ANXA2: variants seen among roughly 807,000 people sequenced by gnomAD.
ANXA2 encodes annexin A2, also known as annexin II.
A neutral mutation model predicts 47.3 loss-of-function variants in ANXA2; 28 were observed. The ratio of observed to expected loss-of-function variants is 0.59; its 90% CI spans 0.44 to 0.81. ANXA2 has a LOEUF of 0.81. Among genes scored for constraint, ANXA2 ranks in the 40% least tolerant of loss-of-function variants. The probability of loss-of-function intolerance (pLI) is 0.00; values close to 1 mark genes in which losing one functional copy is unlikely to be tolerated. For missense variants in ANXA2, 384 were observed against 414.3 expected (o/e 0.93, Z 0.64); for synonymous variants, 172 against 155.5 (o/e 1.11, Z -0.79).
intron 1 of ANXA2, chr15:60,393,038 C>T (rs1028863958): frequency 1.6e-6 from 2 of 1,286,258 alleles, no homozygotes; most frequent in African/African-American, 1.5e-5. Flanking sequence ...TTATCAGAAC[C>T]TTTTTGAAAG....
At chr15:60,390,146 G>T (rs2140933708) in intron 1 of ANXA2, 1 of 351,918 alleles carries the variant, frequency 2.8e-6, no homozygotes, top group Non-Finnish European at 4.1e-6. Flanking sequence ...TTTATACTAT[G>T]TATAACCATT....
intron 2 of ANXA2, among the ~76,000 whole-genome samples, chr15:60,385,109 A>C (rs902808579): frequency 6.6e-6 from 1 of 152,276 alleles, no homozygotes; most frequent in Non-Finnish European, 1.5e-5. Context: ...CTAGGTTCAC[A>C]TATTTCCTAT....
chr15:60,371,760 A>G (rs921935327), intron 3 of ANXA2, among the ~76,000 whole-genome samples: 1 of 152,260 alleles, frequency 6.6e-6, no homozygotes, highest in African/African-American at 2.4e-5. Context: ...AGAAGAAATC[A>G]TCTTTACTAA....
At chr15:60,380,531 C>T (rs1182144806) in intron 3 of ANXA2, among the ~76,000 whole-genome samples, 8 of 149,718 alleles carry the variant, frequency 5.3e-5, no homozygotes, top group East Asian at 3.9e-4. Flanking sequence ...GGGCTGGGTG[C>T]GACGGCTCAT....
intron 5 of ANXA2, among the ~76,000 whole-genome samples, chr15:60,358,743 A>T (rs1416001894): frequency 6.6e-6 from 1 of 152,224 alleles, no homozygotes; most frequent in Admixed American, 6.5e-5. Flanking sequence ...ACTACCGAGT[A>T]TCTTTGAATA....
At chr15:60,397,786 A>T in intron 1 of ANXA2, 157 bp downstream of exon 1, 1 of 1,187,482 alleles carries the variant, frequency 8.4e-7, no homozygotes, top group Non-Finnish European at 1.1e-6. Context: ...CTCCCCAAAG[A>T]CTCTCCAGTG....
rs537883431 is a variant in ANXA2 at position 60,361,715 on chromosome 15, T to G, written c.244-661A>C. Among the ~76,000 whole-genome samples the G allele has an allele frequency of 8.5e-5, 13 of 152,090 alleles. No homozygotes were observed. The South Asian group carries it at 2.7e-3, about 32-fold the overall frequency. On this transcript the variant is annotated intron_variant, in intron 4 of 12. Transcript: ENST00000451270. ...TGGCCCCCTTGAATTCCCTGCTGCA[T>G]GTAATTTCTTAAGGGTTGGATCCAC...
chr15:60,381,385 G>A (rs1410627548), intron 3 of ANXA2, among the ~76,000 whole-genome samples: 1 of 152,186 alleles, frequency 6.6e-6, no homozygotes, highest in Non-Finnish European at 1.5e-5. Flanking sequence ...GGGAAAAGTG[G>A]AGAATCACAA....
intron 3 of ANXA2, among the ~76,000 whole-genome samples, chr15:60,379,903 C>T (rs921323994): frequency 7.9e-5 from 12 of 152,172 alleles, no homozygotes; most frequent in African/African-American, 1.4e-4. Flanking sequence ...TCAGCTGTGA[C>T]CAGAGTTCAT....
intron 5 of ANXA2, among the ~76,000 whole-genome samples, chr15:60,358,116 A>C (rs1193499091): frequency 2.6e-5 from 4 of 152,238 alleles, no homozygotes; most frequent in Non-Finnish European, 5.9e-5. Context: ...TTAATGTTAA[A>C]AATTTCATTC....
intron 7 of ANXA2, among the ~76,000 whole-genome samples, 158 bp from the exon 8 acceptor site, chr15:60,354,371 G>C (rs2062393044): frequency 6.6e-6 from 1 of 152,154 alleles, no homozygotes; most frequent in Non-Finnish European, 1.5e-5. Flanking sequence ...GCCGGGCACG[G>C]TGGCTCACGC....
chr15:60,371,261 G>A (rs1049669263), intron 3 of ANXA2, among the ~76,000 whole-genome samples: 7 of 152,318 alleles, frequency 4.6e-5, no homozygotes, highest in South Asian at 2.1e-4. Flanking sequence ...CAGTCAGTCC[G>A]AAGCAATAGC....
In ANXA2 at chr15:60,352,333, G is replaced by GC; in HGVS notation, c.682+49dup. The stretch of plus-strand genomic sequence containing the variant: ...TCCCAACATGGACATCCACCCAGCC[G>GC]CCCCAGCCAGGGCCCCAAGGCACTG... On this transcript the variant is annotated intron_variant, in intron 9 of 12. Coordinates refer to ENST00000451270, the MANE Select transcript of ANXA2 (RefSeq NM_004039.3). The surrounding 1 kb of genome is among the most constrained non-coding windows in gnomAD (Gnocchi z 4.2). 1.5e-6 allele frequency: 2 copies of GC among 1,370,878 alleles called. No homozygotes were observed. Among genetic ancestry groups the GC allele is most frequent in the Non-Finnish European group, 2.1e-6 (2 of 970,096 alleles). 84.9% of individuals were successfully genotyped at this position (1,370,878 alleles called of 1,614,324 possible).
intron 11 of ANXA2, 116 bp from the exon 12 acceptor site, chr15:60,349,313 A>G: frequency 4.8e-6 from 6 of 1,238,042 alleles, no homozygotes; most frequent in Non-Finnish European, 5.6e-6. Context: ...TCCAAAATCC[A>G]AAACTTTTTC....
intron 4 of ANXA2, 116 bp from the exon 5 acceptor site, chr15:60,361,170 G>A (rs532237761): frequency 1.1e-5 from 8 of 724,686 alleles, no homozygotes; most frequent in East Asian, 8.1e-5. Flanking sequence ...TGACCACTCC[G>A]GAGTCTTGGG....
rs749630269 is a variant in ANXA2, at chr15:60,382,314, A to T, written c.148+28T>A. 4.5e-6 allele frequency: 7 copies of T among 1,570,936 alleles called. No individual in the cohort carries two copies. In the South Asian group the frequency reaches 7.8e-5, roughly 17 times the overall value. On this transcript the variant is annotated intron_variant, in intron 3 of 12. Coordinates refer to ENST00000451270, the MANE Select transcript of ANXA2 (RefSeq NM_004039.3). ...CCAAAAATGTCTCAGTAAGACCCTG[A>T]CAAGAAGAGGACAAATGTATCACCT...
At chr15:60,350,941 TG>T (rs1261653466) in intron 11 of ANXA2, among the ~76,000 whole-genome samples, 1 of 152,208 alleles carries the variant, frequency 6.6e-6, no homozygotes, top group Non-Finnish European at 1.5e-5. Context: ...ACGACTACCA[TG>T]TCGCATTTTC....
At chr15:60,380,599 G>T (rs1595698796) in intron 3 of ANXA2, among the ~76,000 whole-genome samples, 1 of 151,580 alleles carries the variant, frequency 6.6e-6, no homozygotes, top group East Asian at 1.9e-4. Context: ...AGGTGAGGGA[G>T]TTCGAGACCA....
At chr15:60,385,232 T>C (rs983579036) in intron 2 of ANXA2, among the ~76,000 whole-genome samples, 1 of 152,232 alleles carries the variant, frequency 6.6e-6, no homozygotes, top group East Asian at 1.9e-4. Flanking sequence ...ATATCCTAGC[T>C]TTTTTAGAGA....
Sources: gnomAD v4.1 joint callset for allele counts (sites outside exome capture counted in the v4.1 genomes callset) on GRCh38, gnomAD v4.1.1 for gene constraint, Gnocchi (gnomAD v3.1) non-coding constraint, MANE v1.5 for transcripts, NCBI Gene and HGNC (gene_info 2026-07-23, HGNC 2026-07-21) for gene names.